Variants in KLK8 observed in about 807,000 individuals in gnomAD.
The protein encoded by KLK8 is kallikrein-8.
KLK8 carries 18 observed loss-of-function variants against 26.7 expected under a neutral mutation model. The observed-to-expected ratio is 0.67, with a 90% CI of 0.47 to 1.00. The LOEUF is 1.00. Among genes scored for constraint, KLK8 ranks in the 50% least tolerant of loss-of-function variants. The pLI is 0.00. For synonymous variants in KLK8, 137 were observed against 127.1 expected, an observed-to-expected ratio of 1.08 and a Z score of -0.52; for missense variants, 301 against 331.7, an observed-to-expected ratio of 0.91 and a Z score of 0.72.
intron 6 of KLK8, among the ~76,000 whole-genome samples, chr19:50,996,731 C>CAAAA (rs113362363): frequency 0.018 from 1,737 of 96,910 alleles, 100 homozygotes; most frequent in African/African-American, 0.063. Flanking sequence ...GACCCTGTCT[C>CAAAA]AAAAAAAAAA....
intron 3 of KLK8, 90 bp downstream of exon 2, chr19:51,001,008 A>AGG (rs2091219516): frequency 8.1e-7 from 1 of 1,239,172 alleles, no homozygotes; most frequent in Admixed American, 2.0e-5. Context: ...ACACGCACCC[A>AGG]CATAACCCCC....
At chr19:51,000,998 A>G in intron 3 of KLK8, 100 bp downstream of exon 2, 3 of 1,129,900 alleles carry the variant, frequency 2.7e-6, no homozygotes, top group East Asian at 2.6e-5. Flanking sequence ...ACATCCGTGC[A>G]CACGCACCCA....
exon 6 of KLK8, chr19:50,997,751 C>T (rs777333867): frequency 6.2e-7 from 1 of 1,613,952 alleles, no homozygotes; most frequent in African/African-American, 1.3e-5. Context: ...AATTGCTCAC[C>T]TGGCACGTGT....
intron 5 of KLK8, among the ~76,000 whole-genome samples, chr19:50,999,504 A>G (rs1272362078): frequency 1.4e-5 from 2 of 145,228 alleles, no homozygotes; most frequent in East Asian, 4.2e-4. Flanking sequence ...GCTTAAACCC[A>G]GGAGGCAGAG....
intron 3 of KLK8, 184 bp from the exon 3 acceptor site, chr19:51,000,767 T>G: frequency 6.7e-7 from 1 of 1,501,680 alleles, no homozygotes; most frequent in Non-Finnish European, 8.9e-7. Flanking sequence ...CATACAAGAG[T>G]CACACACCCA....
exon 4 of KLK8, chr19:51,000,442 G>A (rs1358718319): frequency 6.2e-7 from 1 of 1,610,924 alleles, no homozygotes; most frequent in African/African-American, 1.3e-5. Flanking sequence ...ACAGTGGGCA[G>A]CTGTAAGGAC....
At chr19:50,997,973 G>A (rs1299556120) in intron 5 of KLK8, 89 bp from the exon 5 acceptor site, 1 of 1,530,412 alleles carries the variant, frequency 6.5e-7, no homozygotes, top group Non-Finnish European at 8.9e-7. Flanking sequence ...TTTCCAGGAT[G>A]TAATGGGGGA....
At chr19:50,996,160 A>T in exon 7 of KLK8, 1 of 1,614,218 alleles carries the variant, frequency 6.2e-7, no homozygotes, top group Non-Finnish European at 8.5e-7. Context: ...TCTGAGCCCC[A>T]GGATGTGATG....
chr19:51,000,443 C>A, exon 4 of KLK8: 2 of 1,610,918 alleles, frequency 1.2e-6, no homozygotes, highest in Non-Finnish European at 1.7e-6. Flanking sequence ...CAGTGGGCAG[C>A]TGTAAGGACC....
chr19:51,000,309 C>A (rs749096592), intron 4 of KLK8, 51 bp from the exon 4 acceptor site: 3 of 1,545,816 alleles, frequency 1.9e-6, no homozygotes, highest in Admixed American at 3.6e-5. Flanking sequence ...TGCCCCCAGC[C>A]CCCTCCTCCT....
intron 6 of KLK8, 101 bp downstream of exon 5, chr19:50,997,650 C>T (rs2091182634): frequency 7.2e-7 from 1 of 1,390,780 alleles, no homozygotes; most frequent in Admixed American, 2.0e-5. Flanking sequence ...GGTGCCAAGT[C>T]TTTGGGGTCA....
intron 3 of KLK8, 55 bp downstream of exon 2, chr19:51,001,043 C>A (rs2091219737): frequency 1.3e-6 from 2 of 1,501,394 alleles, no homozygotes; most frequent in South Asian, 2.4e-5. Context: ...GACTCCCCAG[C>A]GCCACTGCTG....
chr19:51,001,065 C>T (rs777127595), intron 3 of KLK8, 33 bp downstream of exon 2: 9 of 1,587,332 alleles, frequency 5.7e-6, no homozygotes, highest in Non-Finnish European at 6.9e-6. Flanking sequence ...CTTCAGATCC[C>T]TCCCCTCCGG....
At chr19:51,000,541 T>A in exon 4 of KLK8, 2 of 1,614,026 alleles carry the variant, frequency 1.2e-6, no homozygotes, top group Middle Eastern at 1.6e-4. Flanking sequence ...GGGTTGGCAC[T>A]CATGACCCCC....
At chr19:50,998,110 A>C (rs2091187371) in intron 5 of KLK8, 1 of 538,304 alleles carries the variant, frequency 1.9e-6, no homozygotes, top group Non-Finnish European at 3.3e-6. Context: ...CTTGGATCTC[A>C]CGTGTTTTTT....
chr19:50,997,818 G>T (rs1287115302), exon 6 of KLK8: 1 of 1,614,034 alleles, frequency 6.2e-7, no homozygotes, highest in Non-Finnish European at 8.5e-7. Context: ...CCCCGGGTAA[G>T]CATCCTCACA....
intron 6 of KLK8, 89 bp from the exon 6 acceptor site, chr19:50,996,303 C>T (rs980608801): frequency 7.0e-7 from 1 of 1,434,102 alleles, no homozygotes; most frequent in Non-Finnish European, 9.6e-7. Context: ...AGTTCTTTGG[C>T]ATGATTGGTC....
At chr19:50,996,938 A>ACACACACC (rs1420234697) in intron 6 of KLK8, among the ~76,000 whole-genome samples, 1 of 135,096 alleles carries the variant, frequency 7.4e-6, no homozygotes, top group Admixed American at 7.4e-5. Flanking sequence ...ACACACACAC[A>ACACACACC]CCATATCCCC....
rs549592367 is a variant in KLK8 at position 51,001,327 on chromosome 19, A to T, written c.-8-152T>A. Among the ~76,000 whole-genome samples, 6 of 151,748 alleles carry T rather than the reference A, an allele frequency of 4.0e-5. No homozygotes were observed. The East Asian group carries it at 1.2e-3, about 30-fold the overall frequency. On this transcript the variant is annotated intron_variant, in intron 2 of 6. Coordinates refer to ENST00000600767, the Ensembl canonical transcript of KLK8. Reference sequence around the variant, plus strand: ...GGAGGCTGGGGGACTGGATTCCTACATTCCAAGGGAGGGGGGAGTCCTCGA... The same window carrying T: ...GGAGGCTGGGGGACTGGATTCCTACTTTCCAAGGGAGGGGGGAGTCCTCGA...
Sources: allele counts gnomAD v4.1 joint callset (sites outside exome capture counted in the v4.1 genomes callset), GRCh38; gene constraint gnomAD v4.1.1; transcripts MANE v1.5; gene names NCBI Gene and HGNC (gene_info 2026-07-23, HGNC 2026-07-21).